Variants in ZMYND11 observed in about 807,000 individuals in gnomAD.
The protein encoded by ZMYND11 is zinc finger MYND-type containing 11.
A neutral mutation model predicts 84.9 loss-of-function variants in ZMYND11; 9 were observed. The ratio of observed to expected loss-of-function variants is 0.11; its 90% confidence interval spans 0.06 to 0.18. The LOEUF is 0.18. ZMYND11 is among the 10% of genes least tolerant of loss of function. The probability of loss-of-function intolerance (pLI) is 1.00; values close to 1 mark genes in which losing one functional copy is unlikely to be tolerated. For missense variants in ZMYND11, 409 were observed against 761.0 expected (o/e 0.54, Z 5.44); for synonymous variants, 250 against 244.1 (o/e 1.02, Z -0.23).
At chr10:249,421 T>A (rs978189958) in intron 14 of ZMYND11, 11 of 985,274 alleles carry the variant, frequency 1.1e-5, no homozygotes, top group South Asian at 4.7e-5. Flanking sequence ...TACCTGGTGA[T>A]TTCAGATGGG....
intron 8 of ZMYND11, 48 bp from the exon 9 acceptor site, chr10:240,845 G>A (rs771575963): frequency 7.8e-7 from 1 of 1,277,550 alleles, no homozygotes; most frequent in Admixed American, 1.8e-5. Flanking sequence ...ATAGTTTAAT[G>A]TGTATGTATA....
At chr10:158,192 C>T (rs1343553428) in intron 1 of ZMYND11, among the ~76,000 whole-genome samples, 2 of 152,008 alleles carry the variant, frequency 1.3e-5, no homozygotes, top group Non-Finnish European at 2.9e-5. Context: ...TGTACATGTA[C>T]GTGTTTTTGT....
chr10:232,244 C>T (rs980592747), intron 4 of ZMYND11, among the ~76,000 whole-genome samples: 14 of 152,350 alleles, frequency 9.2e-5, no homozygotes, highest in Non-Finnish European at 1.5e-4. Flanking sequence ...TGAAGCACTT[C>T]AGCGTGAACG....
At chr10:188,075 G>C (rs960423370) in intron 2 of ZMYND11, among the ~76,000 whole-genome samples, 2 of 152,108 alleles carry the variant, frequency 1.3e-5, no homozygotes, top group African/African-American at 4.8e-5. Flanking sequence ...CTAAATTATA[G>C]CTAGCACATA....
At chr10:141,937 C>T (rs1313860760) in intron 1 of ZMYND11, among the ~76,000 whole-genome samples, 1 of 152,186 alleles carries the variant, frequency 6.6e-6, no homozygotes, top group Non-Finnish European at 1.5e-5. Flanking sequence ...GTTAAAAAGG[C>T]TATTTTTAAA....
chr10:147,608 G>T (rs1210896592), intron 1 of ZMYND11, among the ~76,000 whole-genome samples: 1 of 150,252 alleles, frequency 6.7e-6, no homozygotes, highest in South Asian at 2.1e-4. Flanking sequence ...TCAAGAATCA[G>T]ATCCATGAAG....
intron 2 of ZMYND11, among the ~76,000 whole-genome samples, chr10:187,207 C>T (rs569505678): frequency 4.6e-5 from 7 of 152,004 alleles, no homozygotes; most frequent in African/African-American, 1.7e-4. Flanking sequence ...GCCTGGGAGA[C>T]AGAGTGAGAA....
intron 14 of ZMYND11, chr10:249,407 C>G (rs142858731): frequency 9.2e-6 from 10 of 1,090,592 alleles, no homozygotes; most frequent in Non-Finnish European, 7.8e-6. Context: ...CTGGCCCTGA[C>G]TTTTACCTGG....
intron 2 of ZMYND11, among the ~76,000 whole-genome samples, chr10:187,959 G>C (rs927180121): frequency 6.6e-6 from 1 of 152,076 alleles, no homozygotes; most frequent in Non-Finnish European, 1.5e-5. Flanking sequence ...AAACAAATTA[G>C]TCATTTTATC....
chr10:240,763 C>A, intron 8 of ZMYND11, 130 bp from the exon 9 acceptor site: 2 of 722,276 alleles, frequency 2.8e-6, no homozygotes, highest in Non-Finnish European at 4.4e-6. Context: ...AAAATTTAGG[C>A]TTAAAAGATT....
chr10:187,042 A>G (rs1451539633), intron 2 of ZMYND11, among the ~76,000 whole-genome samples: 1 of 152,014 alleles, frequency 6.6e-6, no homozygotes, highest in Non-Finnish European at 1.5e-5. Flanking sequence ...AGCCTGAGCA[A>G]CATATTGAGA....
At chr10:139,939 T>A (rs2131113888) in intron 1 of ZMYND11, among the ~76,000 whole-genome samples, 1 of 152,116 alleles carries the variant, frequency 6.6e-6, no homozygotes, top group East Asian at 1.9e-4. Context: ...CTCAAACGTG[T>A]AGGTGATCTG....
At position 135,686 on chromosome 10, in the gene ZMYND11, G is replaced by C. The variant is rs1471051876; in HGVS notation, c.-20+127G>C. 2.0e-5 allele frequency: 3 copies of C among 149,356 alleles called. No homozygotes were observed. Among genetic ancestry groups the C allele is most frequent in the Non-Finnish European group, 4.5e-5 (3 of 66,580 alleles). 9.3% of individuals were successfully genotyped at this position (149,356 alleles called of 1,614,324 possible). A position where few individuals can be genotyped will look rare whatever the true frequency, so the allele number is the denominator to read the frequency against. On this transcript the variant is annotated intron_variant, in intron 1 of 14. Coordinates refer to ENST00000381604, the MANE Select transcript of ZMYND11 (RefSeq NM_001370100.5). This position sits in a 1 kb window ranked among gnomAD's most constrained non-coding sequence, Gnocchi z 5.6. ...GCGGCGGCACCAGTGGGTGCTGACG[G>C]TCGCTCGCCCGCTCGCGAAGAGCTC...
chr10:171,468 A>G (rs544625114), intron 1 of ZMYND11, among the ~76,000 whole-genome samples: 4 of 152,312 alleles, frequency 2.6e-5, no homozygotes, highest in African/African-American at 9.6e-5. Flanking sequence ...ATCTGCTGTC[A>G]GACCACAGTG....
intron 1 of ZMYND11, among the ~76,000 whole-genome samples, chr10:143,177 C>G (rs1837883424): frequency 1.3e-5 from 2 of 152,128 alleles, no homozygotes; most frequent in South Asian, 2.1e-4. Flanking sequence ...CGTCATCTAA[C>G]ATAAAATAAT....
At chr10:247,683 T>C (rs1278944139) in intron 12 of ZMYND11, among the ~76,000 whole-genome samples, 1 of 152,188 alleles carries the variant, frequency 6.6e-6, no homozygotes, top group Non-Finnish European at 1.5e-5. Flanking sequence ...GCTCCAAGTC[T>C]CCATCTTAAT....
At chr10:200,240 A>AAT (rs968948513) in intron 2 of ZMYND11, among the ~76,000 whole-genome samples, 31 of 23,996 alleles carry the variant, frequency 1.3e-3, no homozygotes, top group Middle Eastern at 0.033. Context: ...TATATATAAA[A>AAT]ATATATATAT....
intron 1 of ZMYND11, among the ~76,000 whole-genome samples, chr10:151,542 T>A (rs1322224887): frequency 6.6e-6 from 1 of 151,970 alleles, no homozygotes; most frequent in African/African-American, 2.4e-5. Context: ...ATGAGCAAAG[T>A]CTTCGAGAAA....
At position 237,595 on chromosome 10, in the gene ZMYND11, TTAA is replaced by T. The variant is rs1216611619; in HGVS notation, c.531_533del (p.Asn177del). The T allele has an allele frequency of 2.4e-5, 39 of 1,611,898 alleles. No homozygotes were observed. Among genetic ancestry groups the T allele is most frequent in the Non-Finnish European group, 3.1e-5 (37 of 1,178,962 alleles). ...CTAACACCCTCTTAGGCTATAGATC[TTAA>T]TAAAAAGGGGAAGGACAATAAACAC... On this transcript the variant is annotated inframe_deletion, in exon 6 of 15. Coordinates refer to ENST00000381604, the MANE Select transcript of ZMYND11 (RefSeq NM_001370100.5).
Sources: gnomAD v4.1 joint callset for allele counts (sites outside exome capture counted in the v4.1 genomes callset) on GRCh38, gnomAD v4.1.1 for gene constraint, Gnocchi (gnomAD v3.1) non-coding constraint, MANE v1.5 for transcripts, NCBI Gene and HGNC (gene_info 2026-07-23, HGNC 2026-07-21) for gene names.